ENTHD1: variants seen among roughly 807,000 people sequenced by gnomAD.
ENTHD1 encodes ENTH domain containing 1, also known as ENTH domain-containing protein 1.
Under a neutral mutation model 39.1 loss-of-function variants are expected in ENTHD1, and 23 were observed. The ratio of observed to expected loss-of-function variants is 0.59; its 90% CI spans 0.42 to 0.83. The LOEUF (loss-of-function observed/expected upper bound fraction) is 0.83, where lower values mean the gene tolerates loss of function less well. Among genes scored for constraint, ENTHD1 ranks in the 40% least tolerant of loss-of-function variants. ENTHD1 has a pLI of 0.00. For missense variants in ENTHD1, 624 were observed against 705.4 expected, an observed-to-expected ratio of 0.88 and a Z score of 1.31; for synonymous variants, 230 against 258.2, an observed-to-expected ratio of 0.89 and a Z score of 1.05.
chr22:39,868,947 T>C (rs1002799044), intron 2 of ENTHD1, among the ~76,000 whole-genome samples: 7 of 152,108 alleles, frequency 4.6e-5, no homozygotes, highest in Admixed American at 3.3e-4. Flanking sequence ...TCAGAATGGC[T>C]ATTATCAAAA....
intron 3 of ENTHD1, among the ~76,000 whole-genome samples, chr22:39,846,853 C>T (rs943941471): frequency 1.6e-4 from 25 of 152,104 alleles, no homozygotes; most frequent in Non-Finnish European, 3.2e-4. Flanking sequence ...GATACCATCT[C>T]ACACCAGTTA....
chr22:39,763,139 G>A (rs992372812), intron 6 of ENTHD1, among the ~76,000 whole-genome samples: 16 of 152,116 alleles, frequency 1.1e-4, no homozygotes, highest in African/African-American at 3.9e-4. Flanking sequence ...GTATAGTCCT[G>A]AGGCCTAGGG....
rs2066144075 is a variant in ENTHD1, at chr22:39,861,894, T to C, written c.463A>G (p.Ile155Val). The C allele has an allele frequency of 6.2e-7, 1 of 1,605,680 alleles. No homozygotes were observed. The highest frequency in any genetic ancestry group is 1.1e-5 in the South Asian group (1 of 89,840). ...CRTRQRTSHS[I>V]LFSKRQLGSS... ...CCAAGTTGTCTTTTAGAAAACAATA[T>C]AGAGTGGGAGGTACGCTGTCTAGTC... The change falls in exon 3 of 7, where the codon ATA becomes GTA. Residue 155 changes from isoleucine to valine, a missense_variant. Transcript: ENST00000325157.
At chr22:39,892,503 G>A (rs1569185324) in intron 1 of ENTHD1, among the ~76,000 whole-genome samples, 1 of 152,168 alleles carries the variant, frequency 6.6e-6, no homozygotes, top group African/African-American at 2.4e-5. Flanking sequence ...ACATTAACAT[G>A]TCTGCAATAA....
chr22:39,785,483 G>T (rs1406292625), intron 5 of ENTHD1, among the ~76,000 whole-genome samples: 1 of 152,212 alleles, frequency 6.6e-6, no homozygotes, highest in Non-Finnish European at 1.5e-5. Context: ...TTGGAACAGA[G>T]GGTGGAGAGT....
At chr22:39,884,550 A>AG (rs1196083689) in intron 2 of ENTHD1, among the ~76,000 whole-genome samples, 1 of 149,810 alleles carries the variant, frequency 6.7e-6, no homozygotes, top group Non-Finnish European at 1.5e-5. Flanking sequence ...GACTCAGAAT[A>AG]GAAAAAAAAA....
Position 39,847,140 on chromosome 22 carries a change from A to G in ENTHD1, c.593-11182T>C, listed in dbSNP as rs560019045. Reference sequence around the variant, plus strand: ...CAACCCAAATGTCCAACAATGATAGACTGGATTAAGAAAATGTGGCACATA... The same window carrying G: ...CAACCCAAATGTCCAACAATGATAGGCTGGATTAAGAAAATGTGGCACATA... On this transcript the variant is annotated intron_variant, in intron 3 of 6. Transcript: ENST00000325157. Among the ~76,000 whole-genome samples, 343 of 152,138 alleles carry G rather than the reference A, an allele frequency of 2.3e-3. 1 individual carries two copies. Among genetic ancestry groups the G allele is most frequent in the African/African-American group, 7.8e-3 (325 of 41,488 alleles).
At chr22:39,759,273 G>A (rs2065210377) in intron 6 of ENTHD1, among the ~76,000 whole-genome samples, 1 of 152,086 alleles carries the variant, frequency 6.6e-6, no homozygotes, top group South Asian at 2.1e-4. Flanking sequence ...GTATATGTGT[G>A]TTTGTGTATA....
chr22:39,862,307 T>G (rs2066148316), intron 2 of ENTHD1, among the ~76,000 whole-genome samples: 1 of 152,040 alleles, frequency 6.6e-6, no homozygotes, highest in African/African-American at 2.4e-5. Context: ...CTCAGCACTT[T>G]GGGAGGCTGA....
intron 3 of ENTHD1, among the ~76,000 whole-genome samples, chr22:39,855,275 A>G (rs1401815484): frequency 6.6e-6 from 1 of 152,192 alleles, no homozygotes; most frequent in African/African-American, 2.4e-5. Context: ...TACTCATATC[A>G]AACTGAGTTT....
At chr22:39,809,265 G>T (rs887902101) in intron 5 of ENTHD1, among the ~76,000 whole-genome samples, 1 of 152,174 alleles carries the variant, frequency 6.6e-6, no homozygotes, top group African/African-American at 2.4e-5. Context: ...AGATTCACTA[G>T]GATATCAGAG....
chr22:39,891,064 G>C (rs1026272590), intron 1 of ENTHD1, among the ~76,000 whole-genome samples: 3 of 152,204 alleles, frequency 2.0e-5, no homozygotes, highest in African/African-American at 7.2e-5. Context: ...TAGTGCCCAA[G>C]AGGGTAAATT....
At chr22:39,889,919 A>AACAGCCTGGAC (rs935087099) in intron 1 of ENTHD1, among the ~76,000 whole-genome samples, 8 of 152,066 alleles carry the variant, frequency 5.3e-5, no homozygotes, top group African/African-American at 1.4e-4. Flanking sequence ...CAACATGGTG[A>AACAGCCTGGAC]AACCCTATCT....
chr22:39,892,362 G>A (rs867449037), intron 1 of ENTHD1, among the ~76,000 whole-genome samples: 8 of 152,182 alleles, frequency 5.3e-5, no homozygotes, highest in Admixed American at 1.3e-4. Flanking sequence ...ATCCTTTGAG[G>A]CCAGATGATT....
At chr22:39,855,884 G>C (rs1279085445) in intron 3 of ENTHD1, among the ~76,000 whole-genome samples, 1 of 152,122 alleles carries the variant, frequency 6.6e-6, no homozygotes, top group Non-Finnish European at 1.5e-5. Context: ...TAGCATTTTT[G>C]TGGCCTCTAC....
At chr22:39,826,781 A>AG (rs916926037) in intron 4 of ENTHD1, among the ~76,000 whole-genome samples, 26 of 151,978 alleles carry the variant, frequency 1.7e-4, no homozygotes, top group Non-Finnish European at 7.4e-5. Context: ...AGAGGACATA[A>AG]GGAGAAATCT....
intron 6 of ENTHD1, among the ~76,000 whole-genome samples, chr22:39,755,047 A>G (rs771577853): frequency 9.9e-5 from 15 of 152,224 alleles, no homozygotes; most frequent in Non-Finnish European, 2.2e-4. Context: ...AATATTGAAT[A>G]CTGACTATGT....
In ENTHD1 at chr22:39,803,594, A is replaced by G. The variant is rs550031863; in HGVS notation, c.832+17399T>C. On this transcript the variant is annotated intron_variant, in intron 5 of 6. Transcript: ENST00000325157. Reference sequence around the variant, plus strand: ...TTAAGTATCTACTGAATTAAAATCTAATTTCTCAATCTTTCCTTCCAGAAT... The same window carrying G: ...TTAAGTATCTACTGAATTAAAATCTGATTTCTCAATCTTTCCTTCCAGAAT... Among the ~76,000 whole-genome samples the G allele has an allele frequency of 2.0e-5, 3 of 152,236 alleles. No homozygotes were observed. In the East Asian group the frequency reaches 5.8e-4, roughly 29 times the overall value.
intron 3 of ENTHD1, among the ~76,000 whole-genome samples, chr22:39,846,717 C>A (rs952476396): frequency 6.6e-6 from 1 of 151,886 alleles, no homozygotes; most frequent in Non-Finnish European, 1.5e-5. Context: ...ACAACCCCAT[C>A]AAAAAAATGG....
Sources: gnomAD v4.1 joint callset for allele counts (sites outside exome capture counted in the v4.1 genomes callset) on GRCh38, gnomAD v4.1.1 for gene constraint, MANE v1.5 for transcripts, NCBI Gene and HGNC (gene_info 2026-07-23, HGNC 2026-07-21) for gene names.